Variants in PLCB4 observed in about 807,000 individuals in gnomAD.
PLCB4 encodes the protein 1-phosphatidylinositol 4,5-bisphosphate phosphodiesterase beta-4.
In PLCB4, 77 loss-of-function variants were observed where a neutral mutation model predicts 178.8. That is an observed-to-expected ratio of 0.43 (90% CI 0.36 to 0.52). The LOEUF (loss-of-function observed/expected upper bound fraction) is 0.52, where lower values mean the gene tolerates loss of function less well. Among genes scored for constraint, PLCB4 ranks in the 20% least tolerant of loss-of-function variants. The probability of loss-of-function intolerance (pLI) is 0.00; values close to 1 mark genes in which losing one functional copy is unlikely to be tolerated. For missense variants in PLCB4, 1,024 were observed against 1,453.4 expected, an observed-to-expected ratio of 0.70 and a Z score of 4.80; for synonymous variants, 496 against 490.8, an observed-to-expected ratio of 1.01 and a Z score of -0.14.
At chr20:9,167,663 C>A (rs2092994852) in intron 2 of PLCB4, among the ~76,000 whole-genome samples, 1 of 152,094 alleles carries the variant, frequency 6.6e-6, no homozygotes, top group South Asian at 2.1e-4. Context: ...AATTATGTTT[C>A]TAAAACCCAT....
chr20:9,184,992 A>G (rs2093308839), intron 2 of PLCB4, among the ~76,000 whole-genome samples: 1 of 152,214 alleles, frequency 6.6e-6, no homozygotes, highest in Non-Finnish European at 1.5e-5. Context: ...GCACAATCAT[A>G]GCCCACTGCA....
At chr20:9,324,174 CAA>C (rs112627020) in intron 4 of PLCB4, among the ~76,000 whole-genome samples, 11 of 135,074 alleles carry the variant, frequency 8.1e-5, no homozygotes, top group Admixed American at 7.6e-5. Context: ...GGTCCTGTCT[CAA>C]AAAAAAAAAA....
At chr20:9,169,520 C>G (rs1215977600) in intron 2 of PLCB4, among the ~76,000 whole-genome samples, 1 of 151,522 alleles carries the variant, frequency 6.6e-6, no homozygotes, top group Non-Finnish European at 1.5e-5. Flanking sequence ...AAACGGGAGG[C>G]AGAGGTTGCA....
chr20:9,211,774 T>C (rs896085012), intron 2 of PLCB4, among the ~76,000 whole-genome samples: 1 of 152,214 alleles, frequency 6.6e-6, no homozygotes, highest in African/African-American at 2.4e-5. Context: ...CCATTTTCTA[T>C]AAATAGAAGG....
At chr20:9,238,893 T>A (rs1346078309) in intron 3 of PLCB4, among the ~76,000 whole-genome samples, 2 of 152,198 alleles carry the variant, frequency 1.3e-5, no homozygotes, top group Non-Finnish European at 2.9e-5. Flanking sequence ...AATTCCTGCA[T>A]CTCCACTTAA....
At chr20:9,093,947 G>C (rs778869787) in intron 1 of PLCB4, among the ~76,000 whole-genome samples, 1 of 151,990 alleles carries the variant, frequency 6.6e-6, no homozygotes, top group African/African-American at 2.4e-5. Context: ...TCTTTTGTCT[G>C]TTTCACAGTG....
intron 9 of PLCB4, among the ~76,000 whole-genome samples, chr20:9,370,497 G>C (rs2148289562): frequency 6.6e-6 from 1 of 152,224 alleles, no homozygotes; most frequent in East Asian, 1.9e-4. Flanking sequence ...TTTTCCCTAG[G>C]CCCAGTTATT....
chr20:9,103,939 T>G (rs1265260533), intron 2 of PLCB4, among the ~76,000 whole-genome samples: 1 of 152,174 alleles, frequency 6.6e-6, no homozygotes, highest in African/African-American at 2.4e-5. Flanking sequence ...GTCATTTTTC[T>G]CATTGATAAG....
At chr20:9,365,076 C>T (rs1001819381) in intron 8 of PLCB4, among the ~76,000 whole-genome samples, 4 of 152,148 alleles carry the variant, frequency 2.6e-5, no homozygotes, top group African/African-American at 9.7e-5. Context: ...CAAATAAGTA[C>T]CAACAATGTG....
intron 16 of PLCB4, 137 bp from the exon 17 acceptor site, chr20:9,390,394 A>G: frequency 2.0e-6 from 1 of 494,458 alleles, no homozygotes; most frequent in Non-Finnish European, 3.7e-6. Context: ...AGTTTTTGAT[A>G]CATCTCACAT....
intron 17 of PLCB4, among the ~76,000 whole-genome samples, chr20:9,392,377 T>C (rs544917278): frequency 2.0e-5 from 3 of 152,236 alleles, no homozygotes; most frequent in Non-Finnish European, 2.9e-5. Context: ...TTCCATTGGT[T>C]ACTTGGTGTC....
intron 3 of PLCB4, among the ~76,000 whole-genome samples, chr20:9,268,004 A>G (rs543255840): frequency 6.6e-6 from 1 of 152,260 alleles, no homozygotes; most frequent in Non-Finnish European, 1.5e-5. Context: ...GAGAGTCTCC[A>G]CCAGCAAGAA....
At chr20:9,131,629 G>A (rs117884813) in intron 2 of PLCB4, among the ~76,000 whole-genome samples, 165 of 152,210 alleles carry the variant, frequency 1.1e-3, no homozygotes, top group Non-Finnish European at 1.8e-3. Flanking sequence ...CTGTTGGTTC[G>A]TAGTTCAAAA....
At chr20:9,330,566 A>G (rs1313830015) in intron 4 of PLCB4, among the ~76,000 whole-genome samples, 3 of 152,152 alleles carry the variant, frequency 2.0e-5, no homozygotes, top group African/African-American at 7.2e-5. Context: ...CAGGTTTGTT[A>G]CTATTTGACT....
chr20:9,436,906 G>T, intron 29 of PLCB4, 96 bp from the exon 30 acceptor site: 1 of 1,157,636 alleles, frequency 8.6e-7, no homozygotes, highest in East Asian at 2.5e-5. Flanking sequence ...GGAAGAGTAT[G>T]GTAGAAGTTT....
intron 3 of PLCB4, among the ~76,000 whole-genome samples, chr20:9,268,460 C>A (rs1045667274): frequency 6.6e-6 from 1 of 152,196 alleles, no homozygotes; most frequent in Non-Finnish European, 1.5e-5. Flanking sequence ...GCTTGTGAAT[C>A]TTGATTGCTT....
chr20:9,278,097 T>G (rs2094465290), intron 3 of PLCB4, among the ~76,000 whole-genome samples: 2 of 151,992 alleles, frequency 1.3e-5, no homozygotes, highest in Non-Finnish European at 2.9e-5. Context: ...AACAGAAGCT[T>G]GCTTAAGTTC....
rs74921099 is a variant in PLCB4, at chr20:9,338,069, T to C, written c.225+2T>C. 6.3e-7 allele frequency: 1 copy of C among 1,594,558 alleles called. No homozygotes were observed. The highest frequency in any genetic ancestry group is 1.1e-5 in the South Asian group (1 of 90,666). ...ATTCGGTCGGGAGCCATACCAAAGG[T>C]ACCTGTGATTGGTATTTGCTTTTCT... On this transcript the variant is annotated splice_donor_variant, in intron 6 of 39. Transcript: ENST00000378473. LOFTEE classifies it high-confidence loss of function.
chr20:9,413,149 C>T (rs999075645), intron 25 of PLCB4, among the ~76,000 whole-genome samples: 9 of 152,156 alleles, frequency 5.9e-5, no homozygotes, highest in East Asian at 3.9e-4. Context: ...TTACAGGACC[C>T]GTCGGGCATG....
Sources: allele counts gnomAD v4.1 joint callset (sites outside exome capture counted in the v4.1 genomes callset), GRCh38; gene constraint gnomAD v4.1.1; transcripts MANE v1.5; gene names NCBI Gene and HGNC (gene_info 2026-07-23, HGNC 2026-07-21).